Variants in DRICH1 observed in about 807,000 individuals in gnomAD.
DRICH1 encodes aspartate-rich protein 1.
DRICH1 carries 38 observed loss-of-function variants against 39.5 expected under a neutral mutation model. The observed-to-expected ratio is 0.96, with a 90% CI of 0.74 to 1.26. DRICH1 has a LOEUF of 1.26. Ranked by LOEUF, DRICH1 falls within the 50% of genes most tolerant of loss-of-function variation. The probability of loss-of-function intolerance (pLI) is 0.00; values close to 1 mark genes in which losing one functional copy is unlikely to be tolerated. For missense variants in DRICH1, 279 were observed against 270.4 expected (o/e 1.03, Z -0.22); for synonymous variants, 84 against 99.5 (o/e 0.84, Z 0.93).
chr22:23,599,557 G>C, the DRICH1 span, among the ~76,000 whole-genome samples: 1 of 152,212 alleles, frequency 6.6e-6, no homozygotes, highest in African/African-American at 2.4e-5. Flanking sequence ...TGGCAGACAG[G>C]TTCTAGGGTC....
rs372522604 is a variant in DRICH1, at chr22:23,616,924, C to T, written c.520-50G>A. The T allele has an allele frequency of 1.9e-5, 30 of 1,596,522 alleles. No homozygotes were observed. The African/African-American group carries it at 3.8e-4, about 20-fold the overall frequency. ...TGTAAGGATCAGATCAATTCTGCCA[C>T]ACCCCTTACACAGATCTGTTAGTCT... is the stretch of plus-strand genomic sequence containing the variant. On this transcript the variant is annotated intron_variant, in intron 7 of 11. Transcript: ENST00000317749.
At chr22:23,628,083 C>T (rs1178010075) in intron 1 of DRICH1, among the ~76,000 whole-genome samples, 1 of 152,194 alleles carries the variant, frequency 6.6e-6, no homozygotes, top group African/African-American at 2.4e-5. Flanking sequence ...TCCAAACCTT[C>T]TATAAAATAA....
chr22:23,621,712 G>C (rs1244708776), intron 4 of DRICH1, among the ~76,000 whole-genome samples: 3 of 152,098 alleles, frequency 2.0e-5, no homozygotes, highest in African/African-American at 4.8e-5. Flanking sequence ...TCAGGAGTTC[G>C]AGACCAGCCT....
At chr22:23,631,275 C>T (rs1291241589) in intron 1 of DRICH1, among the ~76,000 whole-genome samples, 4 of 151,888 alleles carry the variant, frequency 2.6e-5, no homozygotes, top group South Asian at 2.1e-4. Context: ...AAAAATTAGC[C>T]GGGCGTGGTA....
chr22:23,589,374 C>A, the DRICH1 span, among the ~76,000 whole-genome samples: 13 of 151,780 alleles, frequency 8.6e-5, no homozygotes, highest in Non-Finnish European at 1.5e-4. Context: ...TCACCTGAGC[C>A]CAAGAGCTCG....
the DRICH1 span, among the ~76,000 whole-genome samples, chr22:23,587,702 G>A: frequency 6.6e-6 from 1 of 152,280 alleles, no homozygotes; most frequent in South Asian, 2.1e-4. Context: ...CAGGAACCAG[G>A]CCCAAGGCCT....
chr22:23,615,018 C>A (rs538197394), intron 8 of DRICH1, among the ~76,000 whole-genome samples: 1 of 152,218 alleles, frequency 6.6e-6, no homozygotes, highest in East Asian at 1.9e-4. Flanking sequence ...TACAAATGAA[C>A]AAATTCATGA....
At chr22:23,598,334 C>T in the DRICH1 span, among the ~76,000 whole-genome samples, 1 of 148,044 alleles carries the variant, frequency 6.8e-6, no homozygotes, top group African/African-American at 2.5e-5. Context: ...GAGAGAACAG[C>T]AATGGCTGGG....
At chr22:23,618,209 G>A (rs1332664646) in intron 6 of DRICH1, among the ~76,000 whole-genome samples, 4 of 150,634 alleles carry the variant, frequency 2.7e-5, no homozygotes, top group Non-Finnish European at 5.9e-5. Context: ...CACCTCCCAG[G>A]TTTGCACCAT....
At chr22:23,604,794 G>A (rs1158662770), downstream of DRICH1, among the ~76,000 whole-genome samples, 4 of 152,236 alleles carry the variant, frequency 2.6e-5, no homozygotes, top group Non-Finnish European at 5.9e-5. Flanking sequence ...CAGGGACAGG[G>A]AAGAGCTGCA....
chr22:23,616,925 A>AC (rs777892830), intron 7 of DRICH1, 51 bp from the exon 8 acceptor site: 2 of 1,596,742 alleles, frequency 1.3e-6, no homozygotes, highest in South Asian at 2.2e-5. Context: ...ATTCTGCCAC[A>AC]CCCCTTACAC....
At chr22:23,596,617 G>T in the DRICH1 span, among the ~76,000 whole-genome samples, 40 of 152,238 alleles carry the variant, frequency 2.6e-4, no homozygotes, top group African/African-American at 9.4e-4. Flanking sequence ...AACATCACTT[G>T]TAATTTCTGC....
At chr22:23,606,744 C>T, downstream of DRICH1, among the ~76,000 whole-genome samples, 1 of 152,162 alleles carries the variant, frequency 6.6e-6, no homozygotes, top group Non-Finnish European at 1.5e-5. Context: ...CCTCTCAGGC[C>T]ACTGTGCCCT....
At chr22:23,593,176 A>G in the DRICH1 span, among the ~76,000 whole-genome samples, 2 of 152,346 alleles carry the variant, frequency 1.3e-5, no homozygotes, top group African/African-American at 4.8e-5. Context: ...GCAAAATTAT[A>G]TATTAATAAA....
At chr22:23,589,596 T>C in the DRICH1 span, among the ~76,000 whole-genome samples, 1 of 152,176 alleles carries the variant, frequency 6.6e-6, no homozygotes, top group Non-Finnish European at 1.5e-5. Flanking sequence ...AATGTATTAA[T>C]CACAGGGAAA....
At chr22:23,615,245 G>A (rs1436120933) in intron 8 of DRICH1, among the ~76,000 whole-genome samples, 1 of 152,122 alleles carries the variant, frequency 6.6e-6, no homozygotes, top group African/African-American at 2.4e-5. Context: ...GCATGGCGGT[G>A]AGTGCCTGTA....
chr22:23,625,957 G>A (rs781653625), intron 2 of DRICH1, 24 bp downstream of exon 2: 18 of 1,593,000 alleles, frequency 1.1e-5, no homozygotes, highest in Non-Finnish European at 1.7e-6. Flanking sequence ...CATTTCCTTA[G>A]AAGGCAAAGA....
At chr22:23,591,112 G>C in the DRICH1 span, among the ~76,000 whole-genome samples, 2 of 152,218 alleles carry the variant, frequency 1.3e-5, no homozygotes, top group African/African-American at 4.8e-5. Context: ...AGATGTGTAA[G>C]AATCTGGGAG....
chr22:23,592,475 T>C, the DRICH1 span, among the ~76,000 whole-genome samples: 15 of 151,468 alleles, frequency 9.9e-5, no homozygotes, highest in African/African-American at 3.4e-4. Flanking sequence ...GGACAGGAAG[T>C]AGGGAGAGAG....
Sources: gnomAD v4.1 joint callset for allele counts (sites outside exome capture counted in the v4.1 genomes callset) on GRCh38, gnomAD v4.1.1 for gene constraint, MANE v1.5 for transcripts, NCBI Gene and HGNC (gene_info 2026-07-23, HGNC 2026-07-21) for gene names.